The following PPARGC1A variants were observed in gnomAD, a reference collection of about 807,000 sequenced individuals.
PPARGC1A encodes PPARG coactivator 1 alpha, also known as peroxisome proliferator-activated receptor gamma coactivator 1-alpha.
Under a neutral mutation model 88.7 loss-of-function variants are expected in PPARGC1A, and 25 were observed. The observed-to-expected ratio is 0.28, with a 90% CI of 0.21 to 0.39. PPARGC1A has a LOEUF of 0.39. Among genes scored for constraint, PPARGC1A ranks in the 10% least tolerant of loss-of-function variants. PPARGC1A has a pLI of 1.00. For synonymous variants in PPARGC1A, 363 were observed against 355.6 expected (o/e 1.02, Z -0.24); for missense variants, 880 against 968.7 (o/e 0.91, Z 1.22).
At chr4:24,370,783 C>CTTTTTTTTTTTTTTTT in the PPARGC1A span, among the ~76,000 whole-genome samples, 7 of 64,458 alleles carry the variant, frequency 1.1e-4, no homozygotes, top group African/African-American at 2.6e-4. Flanking sequence ...TTTTTTTTTA[C>CTTTTTTTTTTTTTTTT]TTTAAGTTCT....
the PPARGC1A span, among the ~76,000 whole-genome samples, chr4:24,107,815 C>G: frequency 6.6e-6 from 1 of 152,174 alleles, no homozygotes; most frequent in Non-Finnish European, 1.5e-5. Context: ...GGCTTCAAGC[C>G]TTTGCTATAG....
At chr4:24,419,586 G>A in the PPARGC1A span, among the ~76,000 whole-genome samples, 4 of 151,450 alleles carry the variant, frequency 2.6e-5, no homozygotes, top group African/African-American at 9.7e-5. Flanking sequence ...ATGTAATTGT[G>A]ACCACACTTC....
chr4:23,969,528 A>T, the PPARGC1A span, among the ~76,000 whole-genome samples: 3 of 152,212 alleles, frequency 2.0e-5, no homozygotes, highest in Admixed American at 6.5e-5. Context: ...AGAACACACC[A>T]AACATGAACG....
chr4:23,993,105 A>G, the PPARGC1A span, among the ~76,000 whole-genome samples: 1 of 152,184 alleles, frequency 6.6e-6, no homozygotes, highest in African/African-American at 2.4e-5. Flanking sequence ...AGCAAACAAA[A>G]AAAAGGGCAA....
At chr4:24,457,527 TTTTGTTTG>T in the PPARGC1A span, among the ~76,000 whole-genome samples, 46,384 of 149,882 alleles carry the variant, frequency 0.31, 9,220 homozygotes, top group African/African-American at 0.56. Context: ...AGATACTGTT[TTTTGTTTG>T]TTTGTTTGTT....
chr4:24,053,481 C>T, the PPARGC1A span, among the ~76,000 whole-genome samples: 2 of 123,288 alleles, frequency 1.6e-5, no homozygotes, highest in African/African-American at 5.3e-5. Flanking sequence ...TTAGGAGAAT[C>T]CTAAGGAAAA....
At chr4:24,247,025 G>A in the PPARGC1A span, among the ~76,000 whole-genome samples, 502 of 152,328 alleles carry the variant, frequency 3.3e-3, no homozygotes, top group Non-Finnish European at 4.9e-3. Context: ...GTATTTTCAG[G>A]TAAAATTGTC....
the PPARGC1A span, among the ~76,000 whole-genome samples, chr4:24,052,933 G>GC: frequency 1.7e-5 from 2 of 117,680 alleles, no homozygotes; most frequent in African/African-American, 6.5e-5. Flanking sequence ...GTGCTATCTT[G>GC]GCTCACTGCA....
At chr4:23,943,866 T>A in the PPARGC1A span, among the ~76,000 whole-genome samples, 1 of 152,074 alleles carries the variant, frequency 6.6e-6, no homozygotes, top group African/African-American at 2.4e-5. Context: ...AGGCTAACCA[T>A]GAGAAAAACA....
the PPARGC1A span, among the ~76,000 whole-genome samples, chr4:24,214,492 A>G: frequency 6.6e-6 from 1 of 152,204 alleles, no homozygotes; most frequent in African/African-American, 2.4e-5. Flanking sequence ...GCAACAGGGA[A>G]GAGGAGGAAG....
the PPARGC1A span, among the ~76,000 whole-genome samples, chr4:24,262,111 G>A: frequency 6.6e-6 from 1 of 151,976 alleles, no homozygotes; most frequent in Non-Finnish European, 1.5e-5. Flanking sequence ...CCCCCACCAA[G>A]TCACCACGCA....
the PPARGC1A span, among the ~76,000 whole-genome samples, chr4:24,403,831 T>C: frequency 1.4e-4 from 22 of 152,320 alleles, no homozygotes; most frequent in East Asian, 2.1e-3. Flanking sequence ...CTCTTTCTTA[T>C]AATAATCTTA....
chr4:24,129,219 T>C, the PPARGC1A span, among the ~76,000 whole-genome samples: 3 of 150,700 alleles, frequency 2.0e-5, no homozygotes, highest in East Asian at 5.9e-4. Flanking sequence ...TATTTCATCT[T>C]TCGGATTTCA....
At chr4:24,150,319 CTA>C in the PPARGC1A span, among the ~76,000 whole-genome samples, 1 of 152,142 alleles carries the variant, frequency 6.6e-6, no homozygotes. Flanking sequence ...AAAGGGCACT[CTA>C]TGTAAATGTC....
chr4:24,220,234 C>A, the PPARGC1A span, among the ~76,000 whole-genome samples: 1 of 152,044 alleles, frequency 6.6e-6, no homozygotes. Context: ...CAGATGTTGG[C>A]GAGGTTGCAG....
chr4:24,456,270 C>A, the PPARGC1A span, among the ~76,000 whole-genome samples: 1 of 152,070 alleles, frequency 6.6e-6, no homozygotes, highest in Non-Finnish European at 1.5e-5. Flanking sequence ...ATATCCACAG[C>A]ACAGGTGGAA....
At chr4:23,830,921 A>T (rs549001109) in intron 3 of PPARGC1A, among the ~76,000 whole-genome samples, 1 of 152,210 alleles carries the variant, frequency 6.6e-6, no homozygotes, top group East Asian at 1.9e-4. Flanking sequence ...TTCAATCTTC[A>T]TAAGAAATAT....
the PPARGC1A span, among the ~76,000 whole-genome samples, chr4:24,445,848 G>A: frequency 7.9e-5 from 12 of 151,990 alleles, no homozygotes; most frequent in Non-Finnish European, 1.6e-4. Flanking sequence ...CGGGCGGATC[G>A]CTTGAGGCCA....
chr4:23,978,022 T>A, the PPARGC1A span, among the ~76,000 whole-genome samples: 1 of 152,178 alleles, frequency 6.6e-6, no homozygotes, highest in Non-Finnish European at 1.5e-5. Flanking sequence ...TATTTTCAGT[T>A]GGCATTTATA....
Sources: allele counts gnomAD v4.1 joint callset (sites outside exome capture counted in the v4.1 genomes callset), GRCh38; gene constraint gnomAD v4.1.1; transcripts MANE v1.5; gene names NCBI Gene and HGNC (gene_info 2026-07-23, HGNC 2026-07-21).